FANCI: variants seen among roughly 807,000 people sequenced by gnomAD.
FANCI encodes Fanconi anemia group I protein.
In FANCI, 156 loss-of-function variants were observed where a neutral mutation model predicts 176.1. The ratio of observed to expected loss-of-function variants is 0.89; its 90% CI spans 0.78 to 1.01. FANCI has a LOEUF of 1.01. Ranked by LOEUF, FANCI falls within the 50% of genes least tolerant of loss-of-function variation. The pLI, the probability that FANCI is intolerant of heterozygous loss-of-function variation, is 0.00. For synonymous variants in FANCI, 613 were observed against 541.7 expected, an observed-to-expected ratio of 1.13 and a Z score of -1.83; for missense variants, 1,678 against 1,534.1, an observed-to-expected ratio of 1.09 and a Z score of -1.57.
At chr15:89,253,914 A>AAT (rs1555441308) in intron 2 of FANCI, among the ~76,000 whole-genome samples, 5,315 of 151,486 alleles carry the variant, frequency 0.035, 301 homozygotes, top group African/African-American at 0.12. Flanking sequence ...TAAGAGAAAA[A>AAT]TAAAATAAAA....
At chr15:89,281,542 A>G (rs563813923) in intron 15 of FANCI, among the ~76,000 whole-genome samples, 1 of 152,374 alleles carries the variant, frequency 6.6e-6, no homozygotes, top group South Asian at 2.1e-4. Flanking sequence ...AAACTCTCTT[A>G]GAACATTATT....
chr15:89,298,428 TGAATA>T (rs1053340989), intron 24 of FANCI, among the ~76,000 whole-genome samples: 1 of 152,154 alleles, frequency 6.6e-6, no homozygotes, highest in African/African-American at 2.4e-5. Flanking sequence ...GAAAACATCT[TGAATA>T]GAATGGAAAC....
chr15:89,304,476 T>A (rs549122773), intron 28 of FANCI, among the ~76,000 whole-genome samples: 6 of 152,356 alleles, frequency 3.9e-5, no homozygotes, highest in Non-Finnish European at 8.8e-5. Context: ...ATCTGTGATG[T>A]TAGAAGTCAG....
intron 14 of FANCI, among the ~76,000 whole-genome samples, chr15:89,280,900 ACTT>A (rs1383426616): frequency 6.6e-6 from 1 of 152,188 alleles, no homozygotes; most frequent in Non-Finnish European, 1.5e-5. Flanking sequence ...GTGTGCTACT[ACTT>A]ATGTCTAGGC....
In FANCI at chr15:89,295,085, A is replaced by G. The variant is rs545673916; in HGVS notation, c.2627A>G (p.Asp876Gly). ...GAAAAGATCTTTCAGAACCTCTGTGACATAACTCGGTAAGCCACTCCCACC... is the reference window on the plus strand; with the variant it reads ...GAAAAGATCTTTCAGAACCTCTGTGGCATAACTCGGTAAGCCACTCCCACC... ...NPEKIFQNLC[D>G]ITRVLLWRYT... The change falls in exon 24 of 38, where the codon GAC becomes GGC. Residue 876 changes from aspartate to glycine, a missense_variant. Coordinates refer to ENST00000310775, the MANE Select transcript of FANCI (RefSeq NM_001113378.2). 3.5e-5 allele frequency: 55 copies of G among 1,551,668 alleles called. No homozygotes were observed. The East Asian group carries it at 1.2e-3, about 33-fold the overall frequency.
chr15:89,303,713 C>T (rs1320645069), intron 27 of FANCI, 151 bp from the exon 28 acceptor site: 1 of 634,758 alleles, frequency 1.6e-6, no homozygotes, highest in Non-Finnish European at 2.8e-6. Context: ...TATTTTTATG[C>T]CCTTCATCAT....
rs2055270079 is a variant in FANCI at position 89,316,514 on chromosome 15, C to T, written c.*55C>T. 5.2e-6 allele frequency: 8 copies of T among 1,539,758 alleles called. No homozygotes were observed. The South Asian group carries it at 9.3e-5, about 18-fold the overall frequency. ...GGGCTTCTGCTTCATTTTTACCCAA[C>T]AAGCAACAATGCCCCTTGTCCTGTA... On this transcript the variant is annotated 3_prime_UTR_variant, in exon 38 of 38. Transcript: ENST00000310775.
At chr15:89,298,909 T>C (rs2054418919) in intron 24 of FANCI, among the ~76,000 whole-genome samples, 1 of 152,176 alleles carries the variant, frequency 6.6e-6, no homozygotes, top group Admixed American at 6.5e-5. Flanking sequence ...GTAGCTCACA[T>C]CTGTAATCCC....
In FANCI at chr15:89,258,777, GTAA is replaced by G; in HGVS notation, c.157+9_157+11del. On this transcript the variant is annotated splice_donor_variant and splice_donor_region_variant and intron_variant, in intron 3 of 37. Coordinates refer to ENST00000310775, the MANE Select transcript of FANCI (RefSeq NM_001113378.2). LOFTEE classifies it high-confidence loss of function. ...GCACTCCTGAGAGCCATCTTCAAAG[GTAA>G]TAATAATTAATGTCACTTCTGTCTG... 1.2e-6 allele frequency: 2 copies of G among 1,603,230 alleles called. No individual in the cohort carries two copies. Among genetic ancestry groups the G allele is most frequent in the Middle Eastern group, 1.7e-4 (1 of 6,036 alleles).
At chr15:89,314,173 G>A (rs9920361) in intron 35 of FANCI, among the ~76,000 whole-genome samples, 7 of 138,848 alleles carry the variant, frequency 5.0e-5, no homozygotes, top group East Asian at 2.1e-4. Context: ...TTTCGTTAGG[G>A]GGAAAGACAC....
intron 34 of FANCI, 171 bp downstream of exon 34, chr15:89,307,843 A>G: frequency 6.7e-7 from 1 of 1,488,556 alleles, no homozygotes; most frequent in African/African-American, 1.4e-5. Context: ...TGCAGCAAGG[A>G]CATCTTTATG....
intron 23 of FANCI, 131 bp from the exon 24 acceptor site, chr15:89,294,784 G>A: frequency 1.2e-6 from 1 of 865,810 alleles, no homozygotes; most frequent in Non-Finnish European, 1.7e-6. Context: ...TAGAGAGTCT[G>A]CCAGTCGGAA....
chr15:89,312,485 A>AG (rs1168926184), intron 34 of FANCI, among the ~76,000 whole-genome samples: 24 of 152,352 alleles, frequency 1.6e-4, no homozygotes, highest in Middle Eastern at 3.4e-3. Flanking sequence ...TGTTTACTCC[A>AG]GACTTGGTCC....
At chr15:89,278,802 G>A (rs778765312) in intron 14 of FANCI, 28 bp downstream of exon 14, 8 of 1,566,190 alleles carry the variant, frequency 5.1e-6, no homozygotes, top group African/African-American at 1.4e-5. Context: ...AATGAATAAA[G>A]TTTTTAGAAA....
intron 31 of FANCI, 101 bp from the exon 32 acceptor site, chr15:89,305,906 A>G (rs1014149550): frequency 4.6e-6 from 6 of 1,296,520 alleles, no homozygotes; most frequent in African/African-American, 1.5e-5. Context: ...TCGTTTTTCC[A>G]TAAAGACTTT....
Position 89,294,903 on chromosome 15 carries a change from G to A in FANCI, c.2457-12G>A, listed in dbSNP as rs766291970. The A allele has an allele frequency of 2.6e-6, 4 of 1,549,452 alleles. No individual in the cohort carries two copies. Among genetic ancestry groups the A allele is most frequent in the Non-Finnish European group, 3.5e-6 (4 of 1,146,268 alleles). ...TCTTCCTTTTTCTTTCTCTCTCTCTGTCTCTCTCTAGGGATAGTATCCAAA... is the reference window on the plus strand; with the variant it reads ...TCTTCCTTTTTCTTTCTCTCTCTCTATCTCTCTCTAGGGATAGTATCCAAA... On this transcript the variant is annotated splice_polypyrimidine_tract_variant and intron_variant, in intron 23 of 37. Transcript: ENST00000310775.
chr15:89,316,994 A>G lies in FANCI; in HGVS notation c.*535A>G, dbSNP rs1437411448. ...TTAGGAGGGTCTGTTTTCTTTTTATATAAGTGTGTCTTAGATATATTTTAA... is the reference window on the plus strand; with the variant it reads ...TTAGGAGGGTCTGTTTTCTTTTTATGTAAGTGTGTCTTAGATATATTTTAA... On this transcript the variant is annotated 3_prime_UTR_variant, in exon 38 of 38. Transcript: ENST00000310775. The G allele has an allele frequency of 2.4e-5, 16 of 655,616 alleles. No homozygotes were observed. The highest frequency in any genetic ancestry group is 5.1e-5 in the South Asian group (3 of 58,960). 40.6% of individuals were successfully genotyped at this position (655,616 alleles called of 1,614,324 possible).
intron 12 of FANCI, 120 bp downstream of exon 12, chr15:89,274,424 C>G (rs959826750): frequency 1.6e-4 from 172 of 1,088,204 alleles, no homozygotes; most frequent in Non-Finnish European, 2.3e-4. Flanking sequence ...GTTGACGTCA[C>G]ACATCGAGGT....
At position 89,301,330 on chromosome 15, in the gene FANCI, C is replaced by G. The variant is rs749411196; in HGVS notation, c.2894C>G (p.Ser965Cys). 2.5e-6 allele frequency: 4 copies of G among 1,610,234 alleles called. No individual in the cohort carries two copies. The South Asian group carries it at 4.4e-5, about 18-fold the overall frequency. The change falls in exon 27 of 38, where the codon TCC becomes TGC. Residue 965 changes from serine to cysteine, a missense_variant. By Grantham distance (112) the Ser-to-Cys change is moderately radical. Transcript: ENST00000310775. ...GTGTGTGCCTTCCTTTCTCAGAGGTCCTTGTTGAATTTACTTAGCAGTCAA... is the reference window on the plus strand; with the variant it reads ...GTGTGTGCCTTCCTTTCTCAGAGGTGCTTGTTGAATTTACTTAGCAGTCAA... ...TAFQIRQFQRSLLNLLSSQEE... is the reference protein window; with the variant it reads ...TAFQIRQFQRCLLNLLSSQEE...
Sources: gnomAD v4.1 joint callset for allele counts (sites outside exome capture counted in the v4.1 genomes callset) on GRCh38, gnomAD v4.1.1 for gene constraint, MANE v1.5 for transcripts, NCBI Gene and HGNC (gene_info 2026-07-23, HGNC 2026-07-21) for gene names.